Variants in PDLIM5 observed in about 807,000 individuals in gnomAD.
The protein encoded by PDLIM5 is PDZ and LIM domain 5.
Under a neutral mutation model 64.2 loss-of-function variants are expected in PDLIM5, and 34 were observed. The observed-to-expected ratio is 0.53, with a 90% CI of 0.40 to 0.71. The LOEUF (loss-of-function observed/expected upper bound fraction) is 0.71, where lower values mean the gene tolerates loss of function less well. Among genes scored for constraint, PDLIM5 ranks in the 30% least tolerant of loss-of-function variants. The pLI is 0.00. For missense variants in PDLIM5, 683 were observed against 733.6 expected (o/e 0.93, Z 0.80); for synonymous variants, 253 against 269.1 (o/e 0.94, Z 0.59).
At chr4:94,601,661 G>A (rs2110351332) in intron 7 of PDLIM5, among the ~76,000 whole-genome samples, 1 of 152,184 alleles carries the variant, frequency 6.6e-6, no homozygotes, top group East Asian at 1.9e-4. Context: ...CTCCTTGTCT[G>A]CCATGTGCAA....
chr4:94,649,479 C>T (rs1741677467), intron 9 of PDLIM5, among the ~76,000 whole-genome samples: 1 of 152,120 alleles, frequency 6.6e-6, no homozygotes, highest in African/African-American at 2.4e-5. Flanking sequence ...CTCTGCCCTC[C>T]CTGCTTAATT....
chr4:94,603,681 G>A (rs367793611), intron 7 of PDLIM5, among the ~76,000 whole-genome samples: 8 of 152,200 alleles, frequency 5.3e-5, no homozygotes, highest in African/African-American at 1.7e-4. Flanking sequence ...CCGTGTATGT[G>A]TGTGCGCACG....
At chr4:94,514,291 C>G (rs189521329) in intron 2 of PDLIM5, among the ~76,000 whole-genome samples, 3 of 151,978 alleles carry the variant, frequency 2.0e-5, no homozygotes, top group African/African-American at 7.3e-5. Flanking sequence ...CCCACCATCA[C>G]GCCCAGCTAA....
chr4:94,584,795 C>T (rs1736024693), intron 5 of PDLIM5: 6 of 517,958 alleles, frequency 1.2e-5, no homozygotes, highest in South Asian at 6.1e-5. Context: ...TATTAATGGC[C>T]GTTGTGAATA....
intron 8 of PDLIM5, among the ~76,000 whole-genome samples, chr4:94,624,991 A>G (rs1578493483): frequency 6.6e-6 from 1 of 152,380 alleles, no homozygotes; most frequent in Non-Finnish European, 1.5e-5. Context: ...CCTGGAGACC[A>G]TTTAAGAAGT....
chr4:94,502,581 A>T (rs1228160060), intron 2 of PDLIM5, among the ~76,000 whole-genome samples: 2 of 152,160 alleles, frequency 1.3e-5, no homozygotes, highest in Non-Finnish European at 2.9e-5. Flanking sequence ...TTTTTATGAG[A>T]TTAAGTAAGT....
intron 8 of PDLIM5, among the ~76,000 whole-genome samples, chr4:94,622,237 T>C (rs1482915075): frequency 6.6e-6 from 1 of 151,008 alleles, no homozygotes; most frequent in Non-Finnish European, 1.5e-5. Flanking sequence ...AGTCTTTTGA[T>C]TTAGAAGGTG....
intron 3 of PDLIM5, among the ~76,000 whole-genome samples, chr4:94,562,737 G>A (rs979002786): frequency 8.5e-5 from 13 of 152,238 alleles, no homozygotes; most frequent in African/African-American, 2.9e-4. Context: ...TCAAAGAGTG[G>A]TGGAGAGAGG....
intron 3 of PDLIM5, among the ~76,000 whole-genome samples, chr4:94,552,303 A>G (rs1732880283): frequency 2.6e-5 from 4 of 152,160 alleles, no homozygotes; most frequent in African/African-American, 9.6e-5. Context: ...TAATTTAAAA[A>G]TATCTACAAG....
At chr4:94,548,544 A>G (rs906798135) in intron 3 of PDLIM5, among the ~76,000 whole-genome samples, 18 of 152,308 alleles carry the variant, frequency 1.2e-4, no homozygotes, top group Non-Finnish European at 2.2e-4. Flanking sequence ...CCAATTTTCA[A>G]TTTAGAAAGA....
intron 9 of PDLIM5, among the ~76,000 whole-genome samples, chr4:94,645,166 G>A (rs1292509145): frequency 6.6e-6 from 1 of 152,146 alleles, no homozygotes; most frequent in Non-Finnish European, 1.5e-5. Flanking sequence ...GAGAACATAC[G>A]ATGTTTGGTT....
At chr4:94,514,247 C>G (rs2510790) in intron 2 of PDLIM5, among the ~76,000 whole-genome samples, 86,886 of 150,432 alleles carry the variant, frequency 0.58, 27,396 homozygotes, top group African/African-American at 0.85. Context: ...CCATTCTCCT[C>G]TCTCAGCCTC....
chr4:94,494,159 G>A (rs935416796), intron 2 of PDLIM5, among the ~76,000 whole-genome samples: 1 of 151,828 alleles, frequency 6.6e-6, no homozygotes, highest in Non-Finnish European at 1.5e-5. Context: ...GTGGAGATGG[G>A]GTCTTGCTCT....
At chr4:94,506,444 C>G (rs2110094118) in intron 2 of PDLIM5, among the ~76,000 whole-genome samples, 1 of 152,284 alleles carries the variant, frequency 6.6e-6, no homozygotes, top group South Asian at 2.1e-4. Flanking sequence ...TTCAGTGTCT[C>G]ATGAAGGCTC....
At chr4:94,542,645 A>C (rs1731924678) in intron 3 of PDLIM5, among the ~76,000 whole-genome samples, 1 of 152,174 alleles carries the variant, frequency 6.6e-6, no homozygotes, top group Admixed American at 6.5e-5. Context: ...GTCCTACACA[A>C]GCAATATTTC....
At chr4:94,638,220 G>C (rs1740727174) in intron 8 of PDLIM5, among the ~76,000 whole-genome samples, 2 of 152,240 alleles carry the variant, frequency 1.3e-5, no homozygotes, top group South Asian at 4.1e-4. Flanking sequence ...AAGATGCACA[G>C]AGGTAAGAGT....
At chr4:94,479,629 C>G (rs1725680602) in intron 2 of PDLIM5, among the ~76,000 whole-genome samples, 1 of 152,024 alleles carries the variant, frequency 6.6e-6, no homozygotes. Flanking sequence ...CTGCGCCTGG[C>G]CAGAGATCTT....
chr4:94,498,497 C>T (rs556119525), intron 2 of PDLIM5, among the ~76,000 whole-genome samples: 1 of 152,298 alleles, frequency 6.6e-6, no homozygotes, highest in South Asian at 2.1e-4. Flanking sequence ...AAATACCTTG[C>T]ATTAAAGAAG....
chr4:94,546,397 A>G (rs1306628835), intron 3 of PDLIM5, among the ~76,000 whole-genome samples: 1 of 152,208 alleles, frequency 6.6e-6, no homozygotes, highest in Non-Finnish European at 1.5e-5. Context: ...AAGTAACAGT[A>G]TAAAAAAGAA....
Sources: gnomAD v4.1 joint callset for allele counts (sites outside exome capture counted in the v4.1 genomes callset) on GRCh38, gnomAD v4.1.1 for gene constraint, MANE v1.5 for transcripts, NCBI Gene and HGNC (gene_info 2026-07-23, HGNC 2026-07-21) for gene names.